Variants in ZNF804B observed in about 807,000 individuals in gnomAD.
ZNF804B encodes zinc finger protein 804B, also known as zinc finger 804B.
In ZNF804B, 80 loss-of-function variants were observed where a neutral mutation model predicts 101.4. That is an observed-to-expected ratio of 0.79 (90% CI 0.66 to 0.95). ZNF804B has a LOEUF of 0.95. ZNF804B is among the 40% of genes least tolerant of loss of function. The pLI is 0.00. For synonymous variants in ZNF804B, 622 were observed against 558.8 expected, an observed-to-expected ratio of 1.11 and a Z score of -1.59; for missense variants, 1,673 against 1,561.9, an observed-to-expected ratio of 1.07 and a Z score of -1.20.
intron 1 of ZNF804B, among the ~76,000 whole-genome samples, chr7:88,845,149 C>G (rs1482368938): frequency 6.6e-6 from 1 of 152,192 alleles, no homozygotes; most frequent in Non-Finnish European, 1.5e-5. Context: ...AGCAATAGCT[C>G]TTGCCTTAGC....
At chr7:88,887,251 TG>T (rs367895569) in intron 1 of ZNF804B, among the ~76,000 whole-genome samples, 7 of 152,172 alleles carry the variant, frequency 4.6e-5, no homozygotes, top group Non-Finnish European at 7.4e-5. Flanking sequence ...GAGAAGTGTC[TG>T]TTTAAGTCCT....
chr7:89,304,853 G>A (rs1790536619), intron 2 of ZNF804B, among the ~76,000 whole-genome samples: 1 of 151,868 alleles, frequency 6.6e-6, no homozygotes, highest in Non-Finnish European at 1.5e-5. Context: ...AATCTTACCT[G>A]GGTCTCATTT....
chr7:88,966,157 T>C (rs1186331904), intron 1 of ZNF804B, among the ~76,000 whole-genome samples: 1 of 151,508 alleles, frequency 6.6e-6, no homozygotes. Flanking sequence ...AATTCTTTAT[T>C]AATATTATCA....
At chr7:89,162,223 C>A (rs1791077195) in intron 1 of ZNF804B, among the ~76,000 whole-genome samples, 1 of 152,118 alleles carries the variant, frequency 6.6e-6, no homozygotes, top group African/African-American at 2.4e-5. Flanking sequence ...AGCCCACTTT[C>A]TTTTACTTTT....
chr7:89,273,573 C>G (rs1045387413), intron 2 of ZNF804B, among the ~76,000 whole-genome samples: 1 of 152,046 alleles, frequency 6.6e-6, no homozygotes, highest in Non-Finnish European at 1.5e-5. Context: ...TAATATTTTC[C>G]ATTTGCAAAG....
chr7:89,103,386 T>C (rs976762817), intron 1 of ZNF804B, among the ~76,000 whole-genome samples: 1 of 151,888 alleles, frequency 6.6e-6, no homozygotes, highest in Non-Finnish European at 1.5e-5. Context: ...TTTATTTGTG[T>C]CATTCATAAT....
chr7:89,334,086 C>A lies in ZNF804B; in HGVS notation c.1104C>A (p.Ser368Arg), dbSNP rs751651281. The A allele has an allele frequency of 6.2e-7, 1 of 1,613,630 alleles. No individual in the cohort carries two copies. Among genetic ancestry groups the A allele is most frequent in the Admixed American group, 1.7e-5 (1 of 59,886 alleles). The change falls in exon 4 of 4, where the codon AGC (serine) becomes AGA (arginine). Residue 368 changes from serine (S) to arginine (R), a missense_variant. Ser to Arg is a moderately radical substitution (Grantham distance 110). Coordinates refer to ENST00000333190, the MANE Select transcript of ZNF804B (RefSeq NM_181646.5). ...NHPCQANASF[S>R]PPNIYNHSDA... ...CATGCCAAGCAAATGCTTCCTTCAG[C>A]CCACCAAACATTTACAACCATAGTG...
chr7:89,056,227 A>G (rs1340775226), intron 1 of ZNF804B, among the ~76,000 whole-genome samples: 1 of 152,094 alleles, frequency 6.6e-6, no homozygotes, highest in Non-Finnish European at 1.5e-5. Context: ...CTTGGTCTCA[A>G]AGATTCCTTG....
intron 2 of ZNF804B, among the ~76,000 whole-genome samples, chr7:89,324,697 T>G (rs758575954): frequency 6.6e-6 from 1 of 150,912 alleles, no homozygotes; most frequent in Non-Finnish European, 1.5e-5. Context: ...CTAAAACACT[T>G]TATCATTTTA....
intron 1 of ZNF804B, among the ~76,000 whole-genome samples, chr7:89,202,519 A>T (rs60477414): frequency 0.33 from 50,046 of 152,022 alleles, 8,972 homozygotes; most frequent in African/African-American, 0.48. Context: ...TGTTATTTCT[A>T]AATATGTTGT....
rs1011907217 is a variant in ZNF804B, at chr7:89,033,660, T to TA, written c.109-184485dup. ...ATGTGAAACTTAAAACATGAATTTGTAAAAAAAAAATTATGTAAATACATT... is the reference window on the plus strand; with the variant it reads ...ATGTGAAACTTAAAACATGAATTTGTAAAAAAAAAAATTATGTAAATACATT... On this transcript the variant is annotated intron_variant, in intron 1 of 3. Coordinates refer to ENST00000333190, the MANE Select transcript of ZNF804B (RefSeq NM_181646.5). Among the ~76,000 whole-genome samples the TA allele has an allele frequency of 2.4e-3, 364 of 149,610 alleles. 1 individual carries two copies. The highest frequency in any genetic ancestry group is 8.4e-3 in the African/African-American group (342 of 40,928).
At chr7:89,088,424 T>C (rs1378316959) in intron 1 of ZNF804B, among the ~76,000 whole-genome samples, 1 of 151,770 alleles carries the variant, frequency 6.6e-6, no homozygotes, top group African/African-American at 2.4e-5. Context: ...AGTTATTGCT[T>C]ATTTGTGACA....
chr7:89,226,778 T>C (rs1235955023), intron 2 of ZNF804B, among the ~76,000 whole-genome samples: 1 of 152,158 alleles, frequency 6.6e-6, no homozygotes, highest in African/African-American at 2.4e-5. Flanking sequence ...CATAACATAC[T>C]ATGATGACTT....
intron 2 of ZNF804B, among the ~76,000 whole-genome samples, chr7:89,252,565 A>G (rs1789558409): frequency 6.6e-6 from 1 of 152,218 alleles, no homozygotes; most frequent in South Asian, 2.1e-4. Context: ...TCATTCTACC[A>G]AATAGACACA....
At chr7:88,894,582 T>A (rs1050284023) in intron 1 of ZNF804B, among the ~76,000 whole-genome samples, 4 of 152,116 alleles carry the variant, frequency 2.6e-5, no homozygotes, top group African/African-American at 9.7e-5. Flanking sequence ...ACAATTTTAT[T>A]TATCAAAGAA....
intron 2 of ZNF804B, among the ~76,000 whole-genome samples, chr7:89,294,915 A>C (rs1316824955): frequency 6.6e-6 from 1 of 151,988 alleles, no homozygotes; most frequent in Non-Finnish European, 1.5e-5. Context: ...ATTCACTTTC[A>C]TATATCTAAG....
At position 88,978,335 on chromosome 7, in the gene ZNF804B, A is replaced by G. The variant is rs566499973; in HGVS notation, c.108+218251A>G. ...GAAAGTGAGGTGTTGGTCTTCGTCT[A>G]TTATTGTACTGGGGTTTACCTCTCT... On this transcript the variant is annotated intron_variant, in intron 1 of 3. Coordinates refer to ENST00000333190, the MANE Select transcript of ZNF804B (RefSeq NM_181646.5). Among the ~76,000 whole-genome samples, 17 of 151,848 alleles carry G rather than the reference A, an allele frequency of 1.1e-4. No individual in the cohort carries two copies. The East Asian group carries it at 2.9e-3, about 26-fold the overall frequency.
intron 1 of ZNF804B, among the ~76,000 whole-genome samples, chr7:88,848,120 T>C (rs1791401891): frequency 6.6e-6 from 1 of 152,040 alleles, no homozygotes; most frequent in African/African-American, 2.4e-5. Flanking sequence ...CAGCATCCAA[T>C]AGGGAGAGAA....
intron 2 of ZNF804B, among the ~76,000 whole-genome samples, chr7:89,297,068 T>C (rs1790395341): frequency 6.6e-6 from 1 of 152,018 alleles, no homozygotes; most frequent in South Asian, 2.1e-4. Context: ...CTGTAAATGC[T>C]TTCATGAATA....
Sources: allele counts gnomAD v4.1 joint callset (sites outside exome capture counted in the v4.1 genomes callset), GRCh38; gene constraint gnomAD v4.1.1; transcripts MANE v1.5; gene names NCBI Gene and HGNC (gene_info 2026-07-23, HGNC 2026-07-21).